ATF7: variants seen among roughly 807,000 people sequenced by gnomAD.
ATF7 encodes the protein cyclic AMP-dependent transcription factor ATF-7.
Under a neutral mutation model 50.4 loss-of-function variants are expected in ATF7, and 10 were observed. That is an observed-to-expected ratio of 0.20 (90% CI 0.12 to 0.34). ATF7 has a LOEUF of 0.34. Among genes scored for constraint, ATF7 ranks in the 10% least tolerant of loss-of-function variants. The probability of loss-of-function intolerance (pLI) is 1.00; values close to 1 mark genes in which losing one functional copy is unlikely to be tolerated. For missense variants in ATF7, 465 were observed against 613.9 expected (o/e 0.76, Z 2.56); for synonymous variants, 201 against 226.4 (o/e 0.89, Z 1.01).
intron 3 of ATF7, among the ~76,000 whole-genome samples, chr12:53,549,668 C>T (rs1422125878): frequency 1.3e-5 from 2 of 152,144 alleles, no homozygotes; most frequent in African/African-American, 4.8e-5. Context: ...CAACCTCTGC[C>T]TCCCAGGTTC....
In ATF7 at chr12:53,546,196, A is replaced by C. The variant is rs7957247; in HGVS notation, c.146-2748T>G. 4.1e-3 allele frequency among the ~76,000 whole-genome samples: 629 copies of C among 151,592 alleles called. 2 individuals are homozygous for C. Among genetic ancestry groups the C allele is most frequent in the African/African-American group, 0.013 (546 of 41,100 alleles). On this transcript the variant is annotated intron_variant, in intron 3 of 11. Coordinates refer to ENST00000420353, the MANE Select transcript of ATF7 (RefSeq NM_006856.3). Reference sequence around the variant, plus strand: ...AACAAGAATGAAACTCCATCTCAAAAAAACAAACAAACAAACAAACAAACA... The same window carrying C: ...AACAAGAATGAAACTCCATCTCAAACAAACAAACAAACAAACAAACAAACA...
intron 2 of ATF7, among the ~76,000 whole-genome samples, chr12:53,566,807 G>A (rs557455138): frequency 6.6e-6 from 1 of 152,154 alleles, no homozygotes; most frequent in Non-Finnish European, 1.5e-5. Flanking sequence ...AGGCTGCAGT[G>A]CAATGGCATG....
Position 53,540,358 on chromosome 12 carries a change from A to T in ATF7, c.265-2806T>A, listed in dbSNP as rs191345098. ...ACAGAGTGAGACTCCGTCTCAAAAA[A>T]AAAAAAAAAGAAAAAAAAGTAGAAC... On this transcript the variant is annotated intron_variant, in intron 4 of 11. Coordinates refer to ENST00000420353, the MANE Select transcript of ATF7 (RefSeq NM_006856.3). Among the ~76,000 whole-genome samples, 43 of 151,646 alleles carry T rather than the reference A, an allele frequency of 2.8e-4. 1 individual carries two copies. The highest frequency in any genetic ancestry group is 9.9e-4 in the African/African-American group (41 of 41,288).
chr12:53,548,498 A>G (rs912092667), intron 3 of ATF7, among the ~76,000 whole-genome samples: 3 of 150,856 alleles, frequency 2.0e-5, no homozygotes, highest in African/African-American at 4.9e-5. Context: ...CACCTGGCTA[A>G]TTTTAAAATT....
chr12:53,508,374 C>T (rs1944061673), downstream of ATF7, among the ~76,000 whole-genome samples: 1 of 151,466 alleles, frequency 6.6e-6, no homozygotes, highest in Admixed American at 6.6e-5. Context: ...CCAGCCTGGC[C>T]AACATGGTGA....
At chr12:53,512,030 G>C (rs908817270), downstream of ATF7, 1 of 152,270 alleles carries the variant, frequency 6.6e-6, no homozygotes, top group Non-Finnish European at 1.5e-5. Flanking sequence ...GCTGTGGATA[G>C]AGGAGTGAAG....
At chr12:53,585,847 G>A (rs918709808) in intron 2 of ATF7, among the ~76,000 whole-genome samples, 2 of 149,316 alleles carry the variant, frequency 1.3e-5, no homozygotes, top group South Asian at 4.7e-4. Context: ...CTAGATAAAG[G>A]AAAAACAAAA....
chr12:53,547,747 TTATGTATGTATGTATGTATG>T (rs57447677), intron 3 of ATF7, among the ~76,000 whole-genome samples: 15 of 149,200 alleles, frequency 1.0e-4, no homozygotes, highest in South Asian at 2.1e-4. Context: ...TCGGCTAATT[TTATGTATGTATGTATGTATG>T]TATGTATGTA....
At chr12:53,547,283 CTTTTT>C (rs34610513) in intron 3 of ATF7, among the ~76,000 whole-genome samples, 1 of 62,542 alleles carries the variant, frequency 1.6e-5, no homozygotes, top group African/African-American at 6.4e-5. Context: ...CGTGCCCAGC[CTTTTT>C]TTTTTTTTTT....
At chr12:53,530,690 C>G (rs920464986) in intron 9 of ATF7, among the ~76,000 whole-genome samples, 1 of 152,114 alleles carries the variant, frequency 6.6e-6, no homozygotes, top group Non-Finnish European at 1.5e-5. Flanking sequence ...TCACTGCAAC[C>G]TCCACCTCCT....
chr12:53,534,822 C>T (rs1939123642), intron 5 of ATF7, among the ~76,000 whole-genome samples, 163 bp from the exon 6 acceptor site: 1 of 152,198 alleles, frequency 6.6e-6, no homozygotes, highest in Non-Finnish European at 1.5e-5. Context: ...ACTCACTCAT[C>T]CATTCAGGAG....
intron 1 of ATF7, among the ~76,000 whole-genome samples, chr12:53,621,078 T>C (rs116551208): frequency 1.3e-5 from 2 of 152,310 alleles, no homozygotes; most frequent in African/African-American, 2.4e-5. Flanking sequence ...GCAACTAATA[T>C]GCAACTTCAT....
In ATF7 at chr12:53,516,850, G is replaced by A; in HGVS notation, c.*287C>T. 2.1e-6 allele frequency: 1 copy of A among 474,846 alleles called. No homozygotes were observed. Among genetic ancestry groups the A allele is most frequent in the Non-Finnish European group, 3.9e-6 (1 of 257,384 alleles). The allele number at this position is 474,846 out of a possible 1,614,324, so 29.4% of individuals were successfully genotyped here. Reference sequence around the variant, plus strand: ...GAGACAGATACACGTGCATGGGGCAGGGGTGATTGTTCGGACCATCTGGAA... The same window carrying A: ...GAGACAGATACACGTGCATGGGGCAAGGGTGATTGTTCGGACCATCTGGAA... On this transcript the variant is annotated 3_prime_UTR_variant, in exon 12 of 12. Coordinates refer to ENST00000420353, the MANE Select transcript of ATF7 (RefSeq NM_006856.3).
Position 53,524,751 on chromosome 12 carries a change from G to A in ATF7, c.938C>T (p.Ala313Val). ...PSPAQPQVSP[A>V]QPTPSTGGRR... ...CCCCCCAGTACTAGGGGTGGGCTGA[G>A]CTGGTGAGACCTGGTGCCCAGGAAG... is the stretch of plus-strand genomic sequence containing the variant. Residue 313 changes from alanine to valine, a missense_variant, in exon 10 of 12, where the codon GCT becomes GTT. By Grantham distance (64) the Ala-to-Val change is moderately conservative (BLOSUM62 0). Transcript: ENST00000420353. The surrounding 1 kb of genome is among the most constrained non-coding windows in gnomAD (Gnocchi z 4.6). The A allele has an allele frequency of 6.2e-7, 1 of 1,605,566 alleles. No homozygotes were observed. The highest frequency in any genetic ancestry group is 8.5e-7 in the Non-Finnish European group (1 of 1,175,814).
At chr12:53,595,635 A>T (rs1259709873) in intron 2 of ATF7, among the ~76,000 whole-genome samples, 1 of 152,232 alleles carries the variant, frequency 6.6e-6, no homozygotes, top group African/African-American at 2.4e-5. Context: ...GAGGCAGAGG[A>T]TACGAAGCAA....
At chr12:53,613,099 C>A (rs1943970713) in intron 1 of ATF7, among the ~76,000 whole-genome samples, 1 of 152,166 alleles carries the variant, frequency 6.6e-6, no homozygotes, top group Non-Finnish European at 1.5e-5. Flanking sequence ...CATAGCAGTA[C>A]TAAAAAGTTC....
At chr12:53,523,233 G>A (rs373945472) in intron 11 of ATF7, 43 bp downstream of exon 11, 46 of 1,375,770 alleles carry the variant, frequency 3.3e-5, no homozygotes, top group Middle Eastern at 4.3e-4. Flanking sequence ...AGTACATGCA[G>A]TTTACTGACT....
intron 2 of ATF7, among the ~76,000 whole-genome samples, chr12:53,575,225 T>C (rs1941992763): frequency 6.6e-6 from 1 of 151,804 alleles, no homozygotes; most frequent in Non-Finnish European, 1.5e-5. Flanking sequence ...CTGACCAACA[T>C]GGAGAAACCC....
intron 4 of ATF7, among the ~76,000 whole-genome samples, chr12:53,540,091 G>A (rs1489677543): frequency 1.3e-5 from 2 of 152,030 alleles, no homozygotes; most frequent in Non-Finnish European, 2.9e-5. Flanking sequence ...AGTGGCTCAT[G>A]CTTGTAATCC....
Sources: allele counts gnomAD v4.1 joint callset (sites outside exome capture counted in the v4.1 genomes callset), GRCh38; gene constraint gnomAD v4.1.1; non-coding constraint Gnocchi (gnomAD v3.1); transcripts MANE v1.5; gene names NCBI Gene and HGNC (gene_info 2026-07-23, HGNC 2026-07-21).